Variants in ARSB observed in about 807,000 individuals in gnomAD.
ARSB encodes arylsulfatase B.
ARSB carries 41 observed loss-of-function variants against 50.9 expected under a neutral mutation model. That is an observed-to-expected ratio of 0.81 (90% CI 0.63 to 1.04). The LOEUF (loss-of-function observed/expected upper bound fraction) is 1.04. Ranked by LOEUF, ARSB falls within the 50% of genes least tolerant of loss-of-function variation. The pLI, the probability that ARSB is intolerant of heterozygous loss-of-function variation, is 0.00. For missense variants in ARSB, 672 were observed against 693.3 expected (o/e 0.97, Z 0.35); for synonymous variants, 269 against 284.8 (o/e 0.94, Z 0.56).
Position 78,966,359 on chromosome 5 carries a change from G to A in ARSB, c.500-1753C>T, listed in dbSNP as rs566131508. ...GATGATGGCAGCCTATGCTTTTGGG[G>A]GAAAAAAATAGAAAATGCTTCTTGA... is the stretch of plus-strand genomic sequence containing the variant. On this transcript the variant is annotated intron_variant, in intron 2 of 7. Transcript: ENST00000264914. Among the ~76,000 whole-genome samples, 13 of 152,060 alleles carry A rather than the reference G, an allele frequency of 8.5e-5. No individual in the cohort carries two copies. The South Asian group carries it at 2.5e-3, about 29-fold the overall frequency.
At chr5:78,916,209 C>T (rs1020821602) in intron 4 of ARSB, among the ~76,000 whole-genome samples, 21 of 152,128 alleles carry the variant, frequency 1.4e-4, no homozygotes, top group African/African-American at 4.8e-4. Flanking sequence ...TCTCAGCAGG[C>T]GGTCTATGAC....
At chr5:78,960,265 A>G (rs1241197791) in intron 3 of ARSB, among the ~76,000 whole-genome samples, 2 of 152,186 alleles carry the variant, frequency 1.3e-5, no homozygotes, top group African/African-American at 4.8e-5. Context: ...GGTTCCTAAG[A>G]TATATACTGT....
intron 5 of ARSB, among the ~76,000 whole-genome samples, chr5:78,873,194 T>C (rs1747310561): frequency 6.6e-6 from 1 of 151,988 alleles, no homozygotes; most frequent in Non-Finnish European, 1.5e-5. Flanking sequence ...ACAACAACCA[T>C]GATTCAGAAA....
intron 4 of ARSB, among the ~76,000 whole-genome samples, chr5:78,949,355 C>T (rs183662053): frequency 2.0e-4 from 30 of 152,220 alleles, no homozygotes; most frequent in African/African-American, 6.3e-4. Context: ...TTGAATGCAA[C>T]CAGTATTCTT....
intron 1 of ARSB, among the ~76,000 whole-genome samples, chr5:78,983,455 G>A (rs566470769): frequency 6.6e-6 from 1 of 152,212 alleles, no homozygotes; most frequent in African/African-American, 2.4e-5. Flanking sequence ...TGCAATCTGA[G>A]TTCAGTTCTC....
intron 6 of ARSB, among the ~76,000 whole-genome samples, chr5:78,838,165 G>A (rs1240282167): frequency 2.0e-5 from 3 of 152,192 alleles, no homozygotes; most frequent in Non-Finnish European, 4.4e-5. Context: ...GAACATGTGA[G>A]GGATGCTATA....
chr5:78,791,604 C>A (rs1451156540), intron 6 of ARSB, among the ~76,000 whole-genome samples: 1 of 152,246 alleles, frequency 6.6e-6, no homozygotes, highest in Non-Finnish European at 1.5e-5. Context: ...AATCTCCAGT[C>A]TGCTCATGGT....
chr5:78,972,523 A>ACACACACC (rs1463807178), intron 1 of ARSB, among the ~76,000 whole-genome samples: 77 of 151,280 alleles, frequency 5.1e-4, no homozygotes, highest in African/African-American at 1.8e-3. Context: ...ACGTACACAC[A>ACACACACC]CACACACACA....
At chr5:78,913,366 C>T (rs1749395875) in intron 4 of ARSB, among the ~76,000 whole-genome samples, 1 of 152,070 alleles carries the variant, frequency 6.6e-6, no homozygotes, top group African/African-American at 2.4e-5. Flanking sequence ...CCTCGTGATC[C>T]GCCCGCCTCA....
intron 4 of ARSB, among the ~76,000 whole-genome samples, chr5:78,886,879 A>G (rs1289656480): frequency 6.6e-6 from 1 of 152,214 alleles, no homozygotes; most frequent in African/African-American, 2.4e-5. Context: ...GAGATCTATC[A>G]AAGCTACAAG....
chr5:78,911,701 C>T (rs1391649608), intron 4 of ARSB, among the ~76,000 whole-genome samples: 1 of 147,954 alleles, frequency 6.8e-6, no homozygotes, highest in African/African-American at 2.5e-5. Flanking sequence ...ACAAGGTGTT[C>T]TACTCTGCAG....
chr5:78,914,578 T>C (rs1372822536), intron 4 of ARSB, among the ~76,000 whole-genome samples: 3 of 152,312 alleles, frequency 2.0e-5, no homozygotes, highest in East Asian at 1.9e-4. Context: ...ATGCCACACC[T>C]TGTTGGACAG....
chr5:78,901,255 CAT>C (rs1472821339), intron 4 of ARSB, among the ~76,000 whole-genome samples: 1 of 152,022 alleles, frequency 6.6e-6, no homozygotes. Context: ...TGTCATATAA[CAT>C]AACATATTCA....
rs1016613595 is a variant in ARSB, at chr5:78,778,567, C to A, written c.*1830G>T. The A allele has an allele frequency of 1.3e-5, 2 of 152,154 alleles. No individual in the cohort carries two copies. Among genetic ancestry groups the A allele is most frequent in the Admixed American group, 1.3e-4 (2 of 15,274 alleles). 9.4% of individuals were successfully genotyped at this position (152,154 alleles called of 1,614,324 possible). Reference sequence around the variant, plus strand: ...TTGCTATAGAGTGTCCTGTGACTGCCCAGTGATGTAGATTATGCTCCTACC... The same window carrying A: ...TTGCTATAGAGTGTCCTGTGACTGCACAGTGATGTAGATTATGCTCCTACC... On this transcript the variant is annotated 3_prime_UTR_variant, in exon 8 of 8. Transcript: ENST00000264914.
chr5:78,897,191 G>A (rs1250573819), intron 4 of ARSB, among the ~76,000 whole-genome samples: 1 of 152,138 alleles, frequency 6.6e-6, no homozygotes, highest in Non-Finnish European at 1.5e-5. Context: ...TCAGAAAATT[G>A]TAAACAAGCT....
At chr5:78,853,892 C>T (rs904658573) in intron 5 of ARSB, among the ~76,000 whole-genome samples, 5 of 152,232 alleles carry the variant, frequency 3.3e-5, no homozygotes, top group Non-Finnish European at 7.3e-5. Context: ...CCTAGTGTGC[C>T]GTTTTTTAAG....
At chr5:78,898,329 A>T (rs1323789313) in intron 4 of ARSB, among the ~76,000 whole-genome samples, 1 of 152,176 alleles carries the variant, frequency 6.6e-6, no homozygotes, top group African/African-American at 2.4e-5. Flanking sequence ...TTCATTGGCA[A>T]ATTCTACCAA....
chr5:78,849,180 C>T lies in ARSB; in HGVS notation c.1143-9754G>A, dbSNP rs36176060. Among the ~76,000 whole-genome samples the T allele has an allele frequency of 8.6e-3, 1,296 of 151,116 alleles. 27 individuals are homozygous for T. Among genetic ancestry groups the T allele is most frequent in the African/African-American group, 0.03 (1,243 of 40,908 alleles). ...AATGGTAATGCCTAGGTTTTCTTCT[C>T]GGGTTTTTATGGTTTTAGGTCTAAC... is the stretch of plus-strand genomic sequence containing the variant. On this transcript the variant is annotated intron_variant, in intron 5 of 7. Coordinates refer to ENST00000264914, the MANE Select transcript of ARSB (RefSeq NM_000046.5).
chr5:78,972,355 G>T (rs1752485528), intron 1 of ARSB, among the ~76,000 whole-genome samples: 1 of 151,998 alleles, frequency 6.6e-6, no homozygotes, highest in Non-Finnish European at 1.5e-5. Context: ...CTAGCATTTT[G>T]CCCCACACAT....
Sources: allele counts gnomAD v4.1 joint callset (sites outside exome capture counted in the v4.1 genomes callset), GRCh38; gene constraint gnomAD v4.1.1; transcripts MANE v1.5; gene names NCBI Gene and HGNC (gene_info 2026-07-23, HGNC 2026-07-21).